DGLUCY: variants seen among roughly 807,000 people sequenced by gnomAD.
DGLUCY encodes the protein D-glutamate cyclase, also known as D-glutamate cyclase, mitochondrial.
Under a neutral mutation model 58.5 loss-of-function variants are expected in DGLUCY, and 58 were observed. That is an observed-to-expected ratio of 0.99 (90% CI 0.80 to 1.23). The LOEUF (loss-of-function observed/expected upper bound fraction) is 1.23, where lower values mean the gene tolerates loss of function less well. DGLUCY is among the 50% of genes most tolerant of loss of function. DGLUCY has a pLI of 0.00. For missense variants in DGLUCY, 779 were observed against 784.7 expected (o/e 0.99, Z 0.09); for synonymous variants, 325 against 314.1 (o/e 1.03, Z -0.37).
At chr14:91,138,432 G>A (rs1044159914) in intron 1 of DGLUCY, among the ~76,000 whole-genome samples, 3 of 152,058 alleles carry the variant, frequency 2.0e-5, no homozygotes, top group Non-Finnish European at 2.9e-5. Context: ...CGGAGGTTGC[G>A]GTGGGCCAAG....
At chr14:91,182,105 T>C (rs2049216646) in intron 8 of DGLUCY, among the ~76,000 whole-genome samples, 1 of 152,082 alleles carries the variant, frequency 6.6e-6, no homozygotes, top group Admixed American at 6.6e-5. Flanking sequence ...CTCAGCCTCC[T>C]GAGTAGCTAG....
At chr14:91,185,109 C>T (rs1439277903) in intron 8 of DGLUCY, among the ~76,000 whole-genome samples, 1 of 151,770 alleles carries the variant, frequency 6.6e-6, no homozygotes, top group Non-Finnish European at 1.5e-5. Context: ...GCTGGGATTA[C>T]AGGCATGTGC....
At chr14:91,140,191 C>T (rs2046576088) in intron 1 of DGLUCY, among the ~76,000 whole-genome samples, 1 of 152,122 alleles carries the variant, frequency 6.6e-6, no homozygotes, top group Non-Finnish European at 1.5e-5. Context: ...GTTGTTTCTC[C>T]TCTTCCCTTT....
chr14:91,169,091 A>G (rs912786539), intron 4 of DGLUCY, among the ~76,000 whole-genome samples: 1 of 152,074 alleles, frequency 6.6e-6, no homozygotes, highest in Admixed American at 6.6e-5. Flanking sequence ...TGTCTCAAAA[A>G]AAAAATAAAT....
intron 9 of DGLUCY, among the ~76,000 whole-genome samples, chr14:91,195,184 G>A (rs1256976823): frequency 6.6e-6 from 1 of 152,068 alleles, no homozygotes; most frequent in African/African-American, 2.4e-5. Flanking sequence ...CATAACAGTG[G>A]GTCCAAGACA....
At chr14:91,060,684 G>T (rs531629351) in exon 1 of DGLUCY, 3 of 380,394 alleles carry the variant, frequency 7.9e-6, no homozygotes, top group East Asian at 4.0e-5. Context: ...TCCTCAGGCC[G>T]CTCCGCCCAC....
intron 12 of DGLUCY, among the ~76,000 whole-genome samples, chr14:91,213,444 A>T (rs1296693869): frequency 6.6e-6 from 1 of 152,196 alleles, no homozygotes; most frequent in Admixed American, 6.6e-5. Flanking sequence ...CAAAAAAAAA[A>T]ATAATAATTA....
chr14:91,201,774 T>C (rs1247278841), intron 11 of DGLUCY, among the ~76,000 whole-genome samples: 1 of 151,494 alleles, frequency 6.6e-6, no homozygotes. Flanking sequence ...TAATATGGTC[T>C]GGGCGTGGTG....
intron 9 of DGLUCY, among the ~76,000 whole-genome samples, chr14:91,191,623 A>G (rs2049898758): frequency 1.3e-5 from 2 of 152,178 alleles, no homozygotes; most frequent in Non-Finnish European, 2.9e-5. Context: ...CCAAGAGACC[A>G]TCTGCACCCA....
At chr14:91,118,680 T>G (rs1032401995) in intron 1 of DGLUCY, among the ~76,000 whole-genome samples, 2 of 152,210 alleles carry the variant, frequency 1.3e-5, no homozygotes, top group Non-Finnish European at 2.9e-5. Context: ...TGGGGGATAA[T>G]GAGGCATGTT....
chr14:91,061,062 G>C (rs2043662207), intron 1 of DGLUCY, among the ~76,000 whole-genome samples: 1 of 152,126 alleles, frequency 6.6e-6, no homozygotes, highest in African/African-American at 2.4e-5. Context: ...CGAAAGAGGC[G>C]GGGAGGGATG....
At chr14:91,180,571 CAA>C (rs1212639674) in intron 7 of DGLUCY, among the ~76,000 whole-genome samples, 25 of 86,094 alleles carry the variant, frequency 2.9e-4, no homozygotes, top group Admixed American at 7.9e-4. Flanking sequence ...GACTCCATCT[CAA>C]AAAAAAAAAA....
At chr14:91,184,666 A>C (rs542708771) in intron 8 of DGLUCY, among the ~76,000 whole-genome samples, 1 of 20,806 alleles carries the variant, frequency 4.8e-5, no homozygotes, top group Non-Finnish European at 9.2e-5. Flanking sequence ...GGAAGGAGGG[A>C]GGGAGGGAGG....
chr14:91,218,404 A>ATTTTT (rs35615811), intron 13 of DGLUCY, among the ~76,000 whole-genome samples: 7 of 145,982 alleles, frequency 4.8e-5, no homozygotes, highest in Non-Finnish European at 6.0e-5. Flanking sequence ...TAAAATGGGG[A>ATTTTT]TTTTTTTTTT....
At chr14:91,150,373 G>C (rs1464321844) in intron 1 of DGLUCY, among the ~76,000 whole-genome samples, 1 of 152,052 alleles carries the variant, frequency 6.6e-6, no homozygotes, top group African/African-American at 2.4e-5. Context: ...AGTCTGGTGT[G>C]GTGCTTTTCA....
At chr14:91,208,526 A>C (rs1388954827) in intron 12 of DGLUCY, among the ~76,000 whole-genome samples, 3 of 152,128 alleles carry the variant, frequency 2.0e-5, no homozygotes, top group African/African-American at 7.2e-5. Context: ...AGGCGGGCAG[A>C]TCACTTGAGC....
chr14:91,081,941 C>A (rs1490621400), intron 1 of DGLUCY, among the ~76,000 whole-genome samples: 2 of 152,008 alleles, frequency 1.3e-5, no homozygotes, highest in African/African-American at 4.8e-5. Context: ...CATCTCCTCT[C>A]TCCTCTTTGA....
intron 11 of DGLUCY, among the ~76,000 whole-genome samples, chr14:91,203,609 G>A (rs1026255675): frequency 1.3e-5 from 2 of 151,954 alleles, no homozygotes; most frequent in South Asian, 2.1e-4. Flanking sequence ...CACAGGAGCT[G>A]TGTCCCCCAG....
rs1017305657 is a variant in DGLUCY, at chr14:91,225,613, G to A, written c.*780G>A. The A allele has an allele frequency of 1.3e-5, 2 of 152,256 alleles. No individual in the cohort carries two copies. The highest frequency in any genetic ancestry group is 2.9e-5 in the Non-Finnish European group (2 of 68,052). 9.4% of individuals were successfully genotyped at this position (152,256 alleles called of 1,614,324 possible). A position where few individuals can be genotyped will look rare whatever the true frequency, so the allele number is the denominator to read the frequency against. On this transcript the variant is annotated 3_prime_UTR_variant, in exon 14 of 14. Transcript: ENST00000256324. ...GGATATGCCAAAAAGAGGCCATAAAGGGCTTCCTTTAAGTGAAAAGGTGAA... is the reference window on the plus strand; with the variant it reads ...GGATATGCCAAAAAGAGGCCATAAAAGGCTTCCTTTAAGTGAAAAGGTGAA...
Sources: gnomAD v4.1 joint callset for allele counts (sites outside exome capture counted in the v4.1 genomes callset) on GRCh38, gnomAD v4.1.1 for gene constraint, MANE v1.5 for transcripts, NCBI Gene and HGNC (gene_info 2026-07-23, HGNC 2026-07-21) for gene names.